The following CACNA2D3 variants were observed in gnomAD, a reference collection of about 807,000 sequenced individuals.
CACNA2D3 encodes voltage-dependent calcium channel subunit alpha-2/delta-3.
In CACNA2D3, 60 loss-of-function variants were observed where a neutral mutation model predicts 160.6. That is an observed-to-expected ratio of 0.37 (90% confidence interval 0.30 to 0.46). The LOEUF (loss-of-function observed/expected upper bound fraction) is 0.46. CACNA2D3 is among the 20% of genes least tolerant of loss of function. CACNA2D3 has a pLI of 1.00. For synonymous variants in CACNA2D3, 558 were observed against 492.9 expected, an observed-to-expected ratio of 1.13 and a Z score of -1.75; for missense variants, 1,205 against 1,365.0, an observed-to-expected ratio of 0.88 and a Z score of 1.85.
intron 11 of CACNA2D3, among the ~76,000 whole-genome samples, chr3:54,717,746 TGTGGTGTGTGCAAGC>T (rs1254447924): frequency 1.4e-4 from 20 of 140,862 alleles, no homozygotes; most frequent in African/African-American, 4.9e-4. Context: ...GCATGTGTGG[TGTGGTGTGTGCAAGC>T]GTGTGTGTGG....
intron 13 of CACNA2D3, among the ~76,000 whole-genome samples, chr3:54,786,669 A>C (rs1028469644): frequency 3.3e-5 from 5 of 152,248 alleles, no homozygotes; most frequent in Admixed American, 1.3e-4. Flanking sequence ...AAATCTTAAA[A>C]AACTGTGAAT....
intron 13 of CACNA2D3, among the ~76,000 whole-genome samples, chr3:54,781,824 G>T (rs1249949184): frequency 2.0e-5 from 3 of 152,192 alleles, no homozygotes; most frequent in Non-Finnish European, 2.9e-5. Context: ...GTGTTCTGAT[G>T]GCCCCTTGCA....
intron 27 of CACNA2D3, chr3:54,925,042 G>C (rs1225186324): frequency 6.2e-7 from 1 of 1,614,120 alleles, no homozygotes; most frequent in Non-Finnish European, 8.5e-7. Flanking sequence ...TGGTGTATCT[G>C]ATTATCTTGT....
At position 54,646,176 on chromosome 3, in the gene CACNA2D3, CTCCCTCCCTCCTTCCTTGCT is replaced by C. The variant is rs1559537912; in HGVS notation, c.1167+3939_1167+3958del. The stretch of plus-strand genomic sequence containing the variant: ...CCTCCCTCCCTCCCTCCCTCCCTCC[CTCCCTCCCTCCTTCCTTGCT>C]TCCTTCCTTCCTTCCTTCCTTCCTT... On this transcript the variant is annotated intron_variant, in intron 11 of 37. Transcript: ENST00000474759. Among the ~76,000 whole-genome samples, 17 of 25,684 alleles carry C rather than the reference CTCCCTCCCTCCTTCCTTGCT, an allele frequency of 6.6e-4. 2 individuals carry two copies. The highest frequency in any genetic ancestry group is 5.2e-3 in the South Asian group (2 of 386). The allele number at this position is 25,684 out of a possible 152,430, so 16.8% of individuals were successfully genotyped here.
intron 4 of CACNA2D3, among the ~76,000 whole-genome samples, chr3:54,464,165 GT>G (rs1380287635): frequency 6.6e-6 from 1 of 152,200 alleles, no homozygotes; most frequent in Non-Finnish European, 1.5e-5. Context: ...GCCGTGTGAG[GT>G]GTCAGTCTGC....
At chr3:54,303,248 C>T (rs1163160470) in intron 2 of CACNA2D3, among the ~76,000 whole-genome samples, 2 of 152,176 alleles carry the variant, frequency 1.3e-5, no homozygotes, top group African/African-American at 2.4e-5. Flanking sequence ...AGCATAGTAT[C>T]TGGCACATAG....
At chr3:54,191,142 A>C (rs1044451041) in intron 2 of CACNA2D3, among the ~76,000 whole-genome samples, 3 of 152,048 alleles carry the variant, frequency 2.0e-5, no homozygotes, top group African/African-American at 7.2e-5. Flanking sequence ...AACTCGTATG[A>C]GGCCAAAACA....
At chr3:54,255,091 T>C (rs1169981799) in intron 2 of CACNA2D3, among the ~76,000 whole-genome samples, 3 of 152,250 alleles carry the variant, frequency 2.0e-5, no homozygotes, top group African/African-American at 7.2e-5. Flanking sequence ...TGGTTTCTAT[T>C]GCACACATTT....
At chr3:55,070,321 G>A (rs187421265) in intron 35 of CACNA2D3, among the ~76,000 whole-genome samples, 16 of 152,330 alleles carry the variant, frequency 1.1e-4, no homozygotes, top group Non-Finnish European at 2.4e-4. Flanking sequence ...TGTGAAGAGA[G>A]AGAGTTGGAG....
intron 2 of CACNA2D3, among the ~76,000 whole-genome samples, chr3:54,288,587 C>T (rs1008874103): frequency 3.9e-5 from 6 of 152,076 alleles, no homozygotes; most frequent in South Asian, 2.1e-4. Flanking sequence ...CCAGCATCAT[C>T]CTGATACCAA....
At chr3:54,487,180 A>G (rs904449457) in intron 4 of CACNA2D3, among the ~76,000 whole-genome samples, 1 of 152,128 alleles carries the variant, frequency 6.6e-6, no homozygotes, top group Non-Finnish European at 1.5e-5. Flanking sequence ...CAGCCTGGGC[A>G]ACATAGTGAG....
intron 2 of CACNA2D3, among the ~76,000 whole-genome samples, chr3:54,196,171 G>T (rs141113309): frequency 6.6e-6 from 1 of 152,136 alleles, no homozygotes; most frequent in East Asian, 1.9e-4. Flanking sequence ...ACTGAAATAC[G>T]TATTACTTTA....
intron 3 of CACNA2D3, among the ~76,000 whole-genome samples, chr3:54,379,095 A>G (rs1329924413): frequency 5.3e-5 from 8 of 152,180 alleles, no homozygotes; most frequent in Non-Finnish European, 1.0e-4. Context: ...AAAGGGGAGG[A>G]GTGAAGGAAG....
intron 35 of CACNA2D3, among the ~76,000 whole-genome samples, chr3:55,052,385 A>C (rs1023262848): frequency 1.3e-5 from 2 of 151,774 alleles, no homozygotes; most frequent in African/African-American, 4.8e-5. Context: ...CCATATGAAC[A>C]TATATATACA....
At chr3:54,552,790 G>T (rs1012903152) in intron 5 of CACNA2D3, among the ~76,000 whole-genome samples, 1 of 152,154 alleles carries the variant, frequency 6.6e-6, no homozygotes, top group African/African-American at 2.4e-5. Flanking sequence ...GGAGAATGAG[G>T]AAGAGGAAAT....
intron 5 of CACNA2D3, among the ~76,000 whole-genome samples, chr3:54,524,632 C>T (rs1299049087): frequency 6.6e-6 from 1 of 151,998 alleles, no homozygotes; most frequent in Non-Finnish European, 1.5e-5. Flanking sequence ...TTTTTCATCT[C>T]TGTCAGTTTT....
At position 54,818,663 on chromosome 3, in the gene CACNA2D3, G is replaced by A. The variant is rs541708377; in HGVS notation, c.1398+1793G>A. Among the ~76,000 whole-genome samples, 3 of 152,312 alleles carry A rather than the reference G, an allele frequency of 2.0e-5. No homozygotes were observed. In the East Asian group the frequency reaches 5.8e-4, roughly 29 times the overall value. ...TTATTGTGGTCATATAAAAGTCAAGGAAGGTACCTCAGCTGGCTTCCTAAT... is the reference window on the plus strand; with the variant it reads ...TTATTGTGGTCATATAAAAGTCAAGAAAGGTACCTCAGCTGGCTTCCTAAT... On this transcript the variant is annotated intron_variant, in intron 14 of 37. Transcript: ENST00000474759.
chr3:55,035,692 C>T (rs750350108), intron 35 of CACNA2D3, among the ~76,000 whole-genome samples: 10 of 151,910 alleles, frequency 6.6e-5, no homozygotes, highest in Non-Finnish European at 1.5e-4. Context: ...TATCAAGCTC[C>T]GAAAATTGAA....
rs188023504 is a variant in CACNA2D3 at position 54,464,548 on chromosome 3, A to G, written c.382-38944A>G. ...TCAGAGTGCTGTGCTAGCAATCAGC[A>G]AGACTCCGTGGGCGTAGGACCCTCC... On this transcript the variant is annotated intron_variant, in intron 4 of 37. Transcript: ENST00000474759. 3.9e-3 allele frequency among the ~76,000 whole-genome samples: 596 copies of G among 152,294 alleles called. 4 individuals are homozygous for G. Among genetic ancestry groups the G allele is most frequent in the African/African-American group, 0.013 (559 of 41,578 alleles).
Sources: gnomAD v4.1 joint callset for allele counts (sites outside exome capture counted in the v4.1 genomes callset) on GRCh38, gnomAD v4.1.1 for gene constraint, MANE v1.5 for transcripts, NCBI Gene and HGNC (gene_info 2026-07-23, HGNC 2026-07-21) for gene names.